SMURF2: variants seen among roughly 807,000 people sequenced by gnomAD.
SMURF2 encodes SMAD specific E3 ubiquitin protein ligase 2, also known as E3 ubiquitin-protein ligase SMURF2.
SMURF2 carries 48 observed loss-of-function variants against 109.6 expected under a neutral mutation model. The observed-to-expected ratio is 0.44, with a 90% CI of 0.35 to 0.56. The LOEUF (loss-of-function observed/expected upper bound fraction) is 0.56. Ranked by LOEUF, SMURF2 falls within the 20% of genes least tolerant of loss-of-function variation. The pLI is 0.01. For synonymous variants in SMURF2, 288 were observed against 317.1 expected (o/e 0.91, Z 0.97); for missense variants, 575 against 909.0 (o/e 0.63, Z 4.72).
intron 13 of SMURF2, among the ~76,000 whole-genome samples, chr17:64,556,846 TTTATC>T (rs1555684086): frequency 2.0e-4 from 31 of 152,216 alleles, no homozygotes; most frequent in African/African-American, 2.4e-5. Context: ...CTTTAAACCT[TTTATC>T]TTGTTTTTGT....
intron 4 of SMURF2, among the ~76,000 whole-genome samples, chr17:64,591,480 T>C (rs1388278999): frequency 6.6e-6 from 1 of 152,224 alleles, no homozygotes; most frequent in Non-Finnish European, 1.5e-5. Flanking sequence ...ACTCTCAGCA[T>C]AGTGCCTGGC....
At chr17:64,575,930 C>G (rs904180266) in intron 9 of SMURF2, among the ~76,000 whole-genome samples, 1 of 152,094 alleles carries the variant, frequency 6.6e-6, no homozygotes, top group East Asian at 1.9e-4. Flanking sequence ...TAGGGCCAAG[C>G]ATGGTGGCTC....
rs1968887363 is a variant in SMURF2, at chr17:64,542,477, A to G, written c.*3371T>C. ...CTGTAATAAATACAAATACAATGAAAATGATAAAACTTTGTTTTTAAAGTC... is the reference window on the plus strand; with the variant it reads ...CTGTAATAAATACAAATACAATGAAGATGATAAAACTTTGTTTTTAAAGTC... On this transcript the variant is annotated 3_prime_UTR_variant, in exon 19 of 19. Transcript: ENST00000262435. The G allele has an allele frequency of 6.6e-6, 1 of 152,206 alleles. No homozygotes were observed. Among genetic ancestry groups the G allele is most frequent in the Non-Finnish European group, 1.5e-5 (1 of 68,036 alleles). The allele number at this position is 152,206 out of a possible 1,614,324, so 9.4% of individuals were successfully genotyped here. A position where few individuals can be genotyped will look rare whatever the true frequency, so the allele number is the denominator to read the frequency against.
chr17:64,595,315 C>T (rs1363620652), intron 3 of SMURF2, among the ~76,000 whole-genome samples: 4 of 152,132 alleles, frequency 2.6e-5, no homozygotes, highest in Non-Finnish European at 5.9e-5. Context: ...TCCAAATATT[C>T]CTGGGCCAGA....
intron 2 of SMURF2, among the ~76,000 whole-genome samples, chr17:64,600,612 C>T (rs1314656840): frequency 1.3e-5 from 2 of 152,154 alleles, no homozygotes; most frequent in Admixed American, 6.5e-5. Flanking sequence ...CGTTAAGTTT[C>T]AAAGAAACTT....
intron 2 of SMURF2, among the ~76,000 whole-genome samples, chr17:64,601,804 C>G (rs1295063576): frequency 6.6e-6 from 1 of 151,490 alleles, no homozygotes; most frequent in Non-Finnish European, 1.5e-5. Flanking sequence ...AGCCCAAACA[C>G]CTATCAATCA....
intron 2 of SMURF2, 50 bp from the exon 3 acceptor site, chr17:64,598,540 GATTA>G (rs1243858164): frequency 2.1e-6 from 3 of 1,428,654 alleles, no homozygotes; most frequent in African/African-American, 2.9e-5. Context: ...TAAGATAGAA[GATTA>G]ATTATACAAG....
intron 2 of SMURF2, among the ~76,000 whole-genome samples, chr17:64,602,456 C>A (rs1210262700): frequency 6.6e-6 from 1 of 152,096 alleles, no homozygotes; most frequent in African/African-American, 2.4e-5. Context: ...AACAAAAACA[C>A]CAGTTCAATA....
At chr17:64,596,408 A>C (rs1471708983) in intron 3 of SMURF2, among the ~76,000 whole-genome samples, 1 of 152,012 alleles carries the variant, frequency 6.6e-6, no homozygotes, top group Non-Finnish European at 1.5e-5. Context: ...ATAATGGAGC[A>C]ATGTATTCAA....
intron 5 of SMURF2, among the ~76,000 whole-genome samples, chr17:64,587,931 C>T (rs1490650886): frequency 6.6e-6 from 1 of 151,618 alleles, no homozygotes; most frequent in Non-Finnish European, 1.5e-5. Flanking sequence ...ATTTACATCT[C>T]CAGAATGCTA....
At position 64,544,005 on chromosome 17, in the gene SMURF2, T is replaced by G. The variant is rs927943426; in HGVS notation, c.*1843A>C. On this transcript the variant is annotated 3_prime_UTR_variant, in exon 19 of 19. Coordinates refer to ENST00000262435, the MANE Select transcript of SMURF2 (RefSeq NM_022739.4). The stretch of plus-strand genomic sequence containing the variant: ...CAGTTACAACTATGACTAGCTTGCT[T>G]GTGGCAGTTGAATTTGGCCAAATGA... 2.0e-5 allele frequency: 3 copies of G among 152,228 alleles called. No homozygotes were observed. Among genetic ancestry groups the G allele is most frequent in the Non-Finnish European group, 4.4e-5 (3 of 68,044 alleles). 9.4% of individuals were successfully genotyped at this position (152,228 alleles called of 1,614,324 possible).
chr17:64,605,843 C>A (rs1555689000), intron 2 of SMURF2, among the ~76,000 whole-genome samples: 2 of 146,110 alleles, frequency 1.4e-5, no homozygotes, highest in East Asian at 3.9e-4. Flanking sequence ...GCACACATAG[C>A]CCGTGACTTG....
intron 1 of SMURF2, among the ~76,000 whole-genome samples, chr17:64,628,827 T>C (rs1970299671): frequency 6.6e-6 from 1 of 152,186 alleles, no homozygotes; most frequent in South Asian, 2.1e-4. Flanking sequence ...ACTCTTCAGA[T>C]GAGGACCTCA....
intron 1 of SMURF2, among the ~76,000 whole-genome samples, chr17:64,659,073 T>C (rs1300941572): frequency 1.3e-5 from 2 of 152,126 alleles, no homozygotes; most frequent in East Asian, 1.9e-4. Context: ...AAGAATAATA[T>C]GTGGAAAGGT....
chr17:64,649,659 A>G (rs1555693306), intron 1 of SMURF2, among the ~76,000 whole-genome samples: 2 of 152,144 alleles, frequency 1.3e-5, no homozygotes, highest in African/African-American at 4.8e-5. Flanking sequence ...CCTGGCCAAC[A>G]TGGTGAAACC....
intron 9 of SMURF2, among the ~76,000 whole-genome samples, chr17:64,572,399 G>A (rs186818429): frequency 1.1e-4 from 16 of 152,042 alleles, no homozygotes; most frequent in African/African-American, 3.4e-4. Flanking sequence ...TTTTAAGCTC[G>A]CCAACAAAGC....
chr17:64,648,931 A>G (rs1970597563), intron 1 of SMURF2, among the ~76,000 whole-genome samples: 1 of 152,192 alleles, frequency 6.6e-6, no homozygotes, highest in Non-Finnish European at 1.5e-5. Flanking sequence ...CAACTGTAAA[A>G]AATCTCTATC....
chr17:64,619,529 G>A (rs1353901584), intron 1 of SMURF2, among the ~76,000 whole-genome samples: 2 of 146,134 alleles, frequency 1.4e-5, no homozygotes, highest in Non-Finnish European at 3.0e-5. Flanking sequence ...TTGGCAAGAC[G>A]TTTGCCTTAG....
chr17:64,562,641 G>A (rs949951093), intron 11 of SMURF2, 130 bp downstream of exon 11: 1 of 816,214 alleles, frequency 1.2e-6, no homozygotes, highest in East Asian at 2.8e-5. Context: ...GCCTCCCAAA[G>A]TGCTGGGATT....
Sources: allele counts gnomAD v4.1 joint callset (sites outside exome capture counted in the v4.1 genomes callset), GRCh38; gene constraint gnomAD v4.1.1; transcripts MANE v1.5; gene names NCBI Gene and HGNC (gene_info 2026-07-23, HGNC 2026-07-21).